TMEM232: variants seen among roughly 807,000 people sequenced by gnomAD.
TMEM232 encodes transmembrane protein 232.
Under a neutral mutation model 78.8 loss-of-function variants are expected in TMEM232, and 80 were observed. That is an observed-to-expected ratio of 1.01 (90% confidence interval 0.85 to 1.22). The LOEUF is 1.22. TMEM232 is among the 50% of genes most tolerant of loss of function. TMEM232 has a pLI of 0.00. For synonymous variants in TMEM232, 297 were observed against 254.3 expected (o/e 1.17, Z -1.60); for missense variants, 881 against 742.2 (o/e 1.19, Z -2.17).
In TMEM232 at chr5:110,663,756, T is replaced by C. The variant is rs915830877; in HGVS notation, c.125+3472A>G. Among the ~76,000 whole-genome samples the C allele has an allele frequency of 4.6e-5, 7 of 151,552 alleles. No individual in the cohort carries two copies. In the East Asian group the frequency reaches 1.3e-3, roughly 29 times the overall value. On this transcript the variant is annotated intron_variant, in intron 2 of 13. Coordinates refer to ENST00000455884, the MANE Select transcript of TMEM232 (RefSeq NM_001039763.4). ...GTGTGTGTGTGTGTATGTGTGTGTG[T>C]GTGTGTGTGTGTGTGTGTATATACA...
chr5:110,737,790 G>C (rs1799344116), intron 1 of TMEM232, among the ~76,000 whole-genome samples: 1 of 152,006 alleles, frequency 6.6e-6, no homozygotes, highest in Non-Finnish European at 1.5e-5. Flanking sequence ...TTTGTGATTT[G>C]CCTTTCAATT....
At position 110,669,302 on chromosome 5, in the gene TMEM232, C is replaced by T. The variant is rs1190089118; in HGVS notation, c.-12-1938G>A. Among the ~76,000 whole-genome samples the T allele has an allele frequency of 3.9e-5, 6 of 152,172 alleles. No homozygotes were observed. The East Asian group carries it at 7.7e-4, about 20-fold the overall frequency. On this transcript the variant is annotated intron_variant, in intron 1 of 13. Transcript: ENST00000455884. ...ATAAAAAATGATAAAGGGGATATCACCACCAATCCCACAGAAATACAAACT... is the reference window on the plus strand; with the variant it reads ...ATAAAAAATGATAAAGGGGATATCATCACCAATCCCACAGAAATACAAACT...
At chr5:110,427,440 C>G (rs759679276) in intron 12 of TMEM232, among the ~76,000 whole-genome samples, 1 of 151,848 alleles carries the variant, frequency 6.6e-6, no homozygotes, top group Non-Finnish European at 1.5e-5. Flanking sequence ...GAATGGAGGA[C>G]TAGACAATTT....
intron 11 of TMEM232, among the ~76,000 whole-genome samples, chr5:110,560,055 C>G (rs1775564435): frequency 6.6e-6 from 1 of 152,082 alleles, no homozygotes. Flanking sequence ...ACTACAATGG[C>G]CTTATTTCCA....
chr5:110,512,750 C>A (rs59584339), intron 12 of TMEM232, among the ~76,000 whole-genome samples: 2 of 151,980 alleles, frequency 1.3e-5, no homozygotes, highest in African/African-American at 4.8e-5. Flanking sequence ...AAAGAGCACA[C>A]AAAAAACAAA....
chr5:110,678,005 T>A (rs1195479078), intron 1 of TMEM232, among the ~76,000 whole-genome samples: 1 of 152,188 alleles, frequency 6.6e-6, no homozygotes, highest in Non-Finnish European at 1.5e-5. Flanking sequence ...TTGATATTGA[T>A]ATACGTAATG....
intron 10 of TMEM232, among the ~76,000 whole-genome samples, chr5:110,596,490 G>C (rs1780185049): frequency 6.6e-6 from 1 of 152,300 alleles, no homozygotes; most frequent in Non-Finnish European, 1.5e-5. Flanking sequence ...CAGAAAAAGA[G>C]GGAATCCTCC....
intron 8 of TMEM232, among the ~76,000 whole-genome samples, chr5:110,616,370 A>C (rs1782932142): frequency 6.6e-6 from 1 of 152,052 alleles, no homozygotes; most frequent in Non-Finnish European, 1.5e-5. Context: ...CCACAAGCAG[A>C]ATTAAATTAG....
At chr5:110,617,002 T>A (rs1056261175) in intron 8 of TMEM232, among the ~76,000 whole-genome samples, 2 of 152,320 alleles carry the variant, frequency 1.3e-5, no homozygotes, top group East Asian at 3.9e-4. Flanking sequence ...TTATTCACAA[T>A]AGCCAAGATG....
intron 12 of TMEM232, among the ~76,000 whole-genome samples, chr5:110,461,059 A>C (rs908748108): frequency 3.9e-5 from 6 of 152,154 alleles, no homozygotes; most frequent in Admixed American, 1.3e-4. Context: ...TAAGTGTTTA[A>C]ATGAAAGGAA....
chr5:110,688,951 G>C (rs539146140), intron 1 of TMEM232, among the ~76,000 whole-genome samples: 15 of 152,200 alleles, frequency 9.9e-5, no homozygotes, highest in Middle Eastern at 3.4e-3. Context: ...ATGCATATCT[G>C]GTTGTTCCCC....
intron 1 of TMEM232, among the ~76,000 whole-genome samples, chr5:110,668,430 C>T (rs1790895627): frequency 6.6e-6 from 1 of 152,100 alleles, no homozygotes; most frequent in Non-Finnish European, 1.5e-5. Context: ...AGTCATCCGC[C>T]TGTGCTACTC....
Position 110,443,929 on chromosome 5 carries a change from T to C in TMEM232, c.1704-19013A>G, listed in dbSNP as rs553132214. The stretch of plus-strand genomic sequence containing the variant: ...TCTCATGACTCTGCCCAGTACCCTG[T>C]GCTACTGTGGCTGAGCTGGTATGCA... On this transcript the variant is annotated intron_variant, in intron 12 of 13. Coordinates refer to ENST00000455884, the MANE Select transcript of TMEM232 (RefSeq NM_001039763.4). Among the ~76,000 whole-genome samples the C allele has an allele frequency of 5.9e-5, 9 of 152,320 alleles. No individual in the cohort carries two copies. The South Asian group carries it at 1.9e-3, about 32-fold the overall frequency.
rs1580630254 is a variant in TMEM232 at position 110,678,076 on chromosome 5, TTGTTTAGAGACAGAGTCTCACTC to T, written c.-12-10735_-12-10713del. On this transcript the variant is annotated intron_variant, in intron 1 of 13. Coordinates refer to ENST00000455884, the MANE Select transcript of TMEM232 (RefSeq NM_001039763.4). Reference sequence around the variant, plus strand: ...TTGTTTAAAGACTTTACTTATTTATTTGTTTAGAGACAGAGTCTCACTCTGTCGCCCAGGCTAGAGTGCAATGG... The same window carrying T: ...TTGTTTAAAGACTTTACTTATTTATTTGTCGCCCAGGCTAGAGTGCAATGG... Among the ~76,000 whole-genome samples the T allele has an allele frequency of 2.6e-5, 4 of 152,126 alleles. No homozygotes were observed. The East Asian group carries it at 7.7e-4, about 29-fold the overall frequency.
chr5:110,442,034 CTTTTAGGACACTTTCA>C (rs1235870955), intron 12 of TMEM232, among the ~76,000 whole-genome samples: 1 of 151,964 alleles, frequency 6.6e-6, no homozygotes, highest in Non-Finnish European at 1.5e-5. Context: ...TCTCCTGCTG[CTTTTAGGACACTTTCA>C]TTATCCTTGA....
chr5:110,638,497 C>G, intron 4 of TMEM232, 142 bp from the exon 5 acceptor site: 1 of 813,408 alleles, frequency 1.2e-6, no homozygotes, highest in Non-Finnish European at 1.9e-6. Flanking sequence ...TCTTTGACAC[C>G]TTTCTCATCA....
intron 12 of TMEM232, among the ~76,000 whole-genome samples, chr5:110,511,509 T>G (rs1767744939): frequency 6.6e-6 from 1 of 151,960 alleles, no homozygotes; most frequent in Non-Finnish European, 1.5e-5. Context: ...TAATACTACA[T>G]TAATATATTG....
intron 10 of TMEM232, among the ~76,000 whole-genome samples, chr5:110,601,997 T>G (rs1431126612): frequency 6.6e-6 from 1 of 151,768 alleles, no homozygotes; most frequent in Non-Finnish European, 1.5e-5. Flanking sequence ...CACAACACAC[T>G]TACAATCATC....
At chr5:110,570,992 G>A (rs1302107301) in intron 10 of TMEM232, among the ~76,000 whole-genome samples, 2 of 151,874 alleles carry the variant, frequency 1.3e-5, no homozygotes, top group African/African-American at 2.4e-5. Flanking sequence ...TAATCTTCTA[G>A]CTCTTGTATA....
Sources: allele counts gnomAD v4.1 joint callset (sites outside exome capture counted in the v4.1 genomes callset), GRCh38; gene constraint gnomAD v4.1.1; transcripts MANE v1.5; gene names NCBI Gene and HGNC (gene_info 2026-07-23, HGNC 2026-07-21).